USP36: variants seen among roughly 807,000 people sequenced by gnomAD.
USP36 encodes ubiquitin specific peptidase 36, also known as ubiquitin carboxyl-terminal hydrolase 36.
Under a neutral mutation model 111.5 loss-of-function variants are expected in USP36, and 59 were observed. The ratio of observed to expected loss-of-function variants is 0.53; its 90% confidence interval spans 0.43 to 0.66. USP36 has a LOEUF of 0.66. Ranked by LOEUF, USP36 falls within the 30% of genes least tolerant of loss-of-function variation. The probability of loss-of-function intolerance (pLI) is 0.00; values close to 1 mark genes in which losing one functional copy is unlikely to be tolerated. For missense variants in USP36, 1,488 were observed against 1,468.0 expected (o/e 1.01, Z -0.22); for synonymous variants, 628 against 581.0 (o/e 1.08, Z -1.16).
Position 78,837,788 on chromosome 17 carries a change from A to G in USP36, c.-10+799T>C, listed in dbSNP as rs114270897. Among the ~76,000 whole-genome samples, 505 of 152,358 alleles carry G rather than the reference A, an allele frequency of 3.3e-3. 2 individuals are homozygous for G. Among genetic ancestry groups the G allele is most frequent in the African/African-American group, 0.011 (464 of 41,582 alleles). On this transcript the variant is annotated intron_variant, in intron 2 of 20. Transcript: ENST00000449938. ...TACCCAGCCTGCCCTCAGAGAATCA[A>G]CAAGTCAAGTGTGCCCCAAAATTCT...
In USP36 at chr17:78,814,447, T is replaced by C. The variant is rs1406716532; in HGVS notation, c.1129A>G (p.Ser377Gly). 1.2e-6 allele frequency: 2 copies of C among 1,614,072 alleles called. No individual in the cohort carries two copies. Among genetic ancestry groups the C allele is most frequent in the African/African-American group, 1.3e-5 (1 of 74,922 alleles). ...CAGTAATAGTGCCCGGCATGGCAGC[T>C]GTAGCCCGAGTGCACCAGGACAGCA... ...LYAVLVHSGY[S>G]CHAGHYYCYV... Residue 377 changes from serine to glycine, a missense_variant, in exon 11 of 21, where the codon AGC (serine) becomes GGC (glycine). Physicochemically the swap from Ser to Gly is moderately conservative, Grantham distance 56 (BLOSUM62 0). Around this residue, in one of 3 missense-constraint regions of USP36, gnomAD observed 1,073 missense variants for 994.1 expected, o/e 1.08. Transcript: ENST00000449938.
chr17:78,833,575 ACATT>A (rs1211919747), intron 4 of USP36, among the ~76,000 whole-genome samples: 1 of 152,164 alleles, frequency 6.6e-6, no homozygotes, highest in East Asian at 1.9e-4. Flanking sequence ...TAGACCAGGG[ACATT>A]CTCAAAAACT....
chr17:78,790,218 T>C (rs889258665), intron 3 of USP36, among the ~76,000 whole-genome samples: 1 of 151,758 alleles, frequency 6.6e-6, no homozygotes. Context: ...CCTCCCTGAA[T>C]AGCTGGGATT....
rs748975875 is a variant in USP36, at chr17:78,813,020, A to C, written c.1266-19T>G. 1.2e-6 allele frequency: 2 copies of C among 1,613,624 alleles called. No homozygotes were observed. Among genetic ancestry groups the C allele is most frequent in the South Asian group, 1.1e-5 (1 of 91,074 alleles). Reference sequence around the variant, plus strand: ...TGGAATTCTGTCAAAGGAAGAAAACAAGTAGGGAATTCTCTTACTAGGCAT... The same window carrying C: ...TGGAATTCTGTCAAAGGAAGAAAACCAGTAGGGAATTCTCTTACTAGGCAT... On this transcript the variant is annotated intron_variant, in intron 12 of 20. Transcript: ENST00000449938.
At chr17:78,827,385 C>T in intron 5 of USP36, 38 bp from the exon 6 acceptor site, 1 of 1,578,010 alleles carries the variant, frequency 6.3e-7, no homozygotes, top group Non-Finnish European at 8.6e-7. Context: ...GAGCTCGTGT[C>T]TTCTCATCAA....
At chr17:78,826,507 T>C (rs978952718) in intron 6 of USP36, 1 of 152,522 alleles carries the variant, frequency 6.6e-6, no homozygotes, top group Non-Finnish European at 1.5e-5. Flanking sequence ...CTGAGGCCAG[T>C]AGTTTTGCCA....
chr17:78,800,791 T>A (rs1170048176), intron 17 of USP36, among the ~76,000 whole-genome samples: 1 of 152,164 alleles, frequency 6.6e-6, no homozygotes, highest in African/African-American at 2.4e-5. Context: ...ACTGTGTGGT[T>A]CTGGCTCTGC....
intron 17 of USP36, among the ~76,000 whole-genome samples, chr17:78,801,233 C>T (rs945739960): frequency 2.6e-5 from 4 of 152,164 alleles, no homozygotes; most frequent in African/African-American, 9.7e-5. Flanking sequence ...GCCTCGGCCT[C>T]CCAAAGTGTT....
Position 78,818,798 on chromosome 17 carries a change from A to G in USP36, c.912-20T>C, listed in dbSNP as rs760003598. Reference sequence around the variant, plus strand: ...TTGCATCTATGAAGAAGGTGATGAGAAAGATTAATGAATGATTGATTCGTG... The same window carrying G: ...TTGCATCTATGAAGAAGGTGATGAGGAAGATTAATGAATGATTGATTCGTG... On this transcript the variant is annotated intron_variant, in intron 9 of 20. Transcript: ENST00000449938. The G allele has an allele frequency of 1.3e-5, 21 of 1,612,304 alleles. No individual in the cohort carries two copies. Among genetic ancestry groups the G allele is most frequent in the Admixed American group, 3.3e-5 (2 of 59,964 alleles).
intron 15 of USP36, among the ~76,000 whole-genome samples, chr17:78,805,946 C>T (rs1424427589): frequency 4.6e-5 from 7 of 152,296 alleles, no homozygotes; most frequent in Admixed American, 1.3e-4. Context: ...CTGCAGAGGC[C>T]GAACTGCCTT....
intron 13 of USP36, among the ~76,000 whole-genome samples, chr17:78,812,659 T>C (rs1245865879): frequency 7.5e-6 from 1 of 132,926 alleles, no homozygotes; most frequent in East Asian, 2.2e-4. Context: ...ATCGCACCAC[T>C]GCACCCCAGC....
intron 14 of USP36, among the ~76,000 whole-genome samples, chr17:78,806,578 G>A (rs916002653): frequency 4.5e-4 from 69 of 152,226 alleles, no homozygotes; most frequent in African/African-American, 1.6e-3. Context: ...CTGCAGAGGT[G>A]CCGGGCACCC....
intron 17 of USP36, among the ~76,000 whole-genome samples, chr17:78,801,113 A>G (rs1405872343): frequency 2.0e-5 from 3 of 151,380 alleles, no homozygotes; most frequent in Non-Finnish European, 4.4e-5. Context: ...AGTAGCTGGG[A>G]CTAGAGGCGC....
chr17:78,815,843 ACACACATATG>A (rs2094169382), intron 10 of USP36, among the ~76,000 whole-genome samples: 1 of 135,726 alleles, frequency 7.4e-6, no homozygotes, highest in African/African-American at 3.8e-5. Flanking sequence ...ATACATACAC[ACACACATATG>A]CATGCATACA....
chr17:78,810,982 C>T (rs1007963857), intron 13 of USP36, among the ~76,000 whole-genome samples: 2 of 151,848 alleles, frequency 1.3e-5, no homozygotes, highest in Non-Finnish European at 2.9e-5. Context: ...GGAGTGCTGG[C>T]GGGCACCTGT....
intron 10 of USP36, among the ~76,000 whole-genome samples, chr17:78,816,744 T>G (rs760958309): frequency 3.3e-5 from 5 of 152,188 alleles, no homozygotes; most frequent in Non-Finnish European, 7.3e-5. Context: ...CCCTAAGTGC[T>G]GACATTAGAG....
rs373938196 is a variant in USP36, at chr17:78,797,425, G to T, written c.*475C>A. 4.5e-4 allele frequency: 68 copies of T among 152,518 alleles called. No individual in the cohort carries two copies. Among genetic ancestry groups the T allele is most frequent in the African/African-American group, 1.6e-3 (66 of 41,556 alleles). The allele number at this position is 152,518 out of a possible 1,614,324, so 9.4% of individuals were successfully genotyped here. ...AAGGGGTCCCGCTGAGGAAGCAGGGGAGGGCGGGCTCGGACACAACGGTGG... is the reference window on the plus strand; with the variant it reads ...AAGGGGTCCCGCTGAGGAAGCAGGGTAGGGCGGGCTCGGACACAACGGTGG... On this transcript the variant is annotated 3_prime_UTR_variant, in exon 21 of 21. Coordinates refer to ENST00000449938, the MANE Select transcript of USP36 (RefSeq NM_001385174.1).
rs2093639114 is a variant in USP36 at position 78,797,001 on chromosome 17, T to C, written c.*899A>G. ...TTAAATTCCAAAGCACTCACAAAAT[T>C]GAGCAAACAAAGCCACTATTTGCAT... is the stretch of plus-strand genomic sequence containing the variant. On this transcript the variant is annotated 3_prime_UTR_variant, in exon 21 of 21. Coordinates refer to ENST00000449938, the MANE Select transcript of USP36 (RefSeq NM_001385174.1). 6.6e-6 allele frequency: 1 copy of C among 152,136 alleles called. No individual in the cohort carries two copies. Among genetic ancestry groups the C allele is most frequent in the South Asian group, 2.1e-4 (1 of 4,832 alleles). 9.4% of individuals were successfully genotyped at this position (152,136 alleles called of 1,614,324 possible).
At chr17:78,823,559 G>A (rs1208473617) in intron 6 of USP36, among the ~76,000 whole-genome samples, 1 of 152,194 alleles carries the variant, frequency 6.6e-6, no homozygotes, top group Non-Finnish European at 1.5e-5. Flanking sequence ...AATGGAGGAG[G>A]GGGCAGGAGG....
Sources: gnomAD v4.1 joint callset for allele counts (sites outside exome capture counted in the v4.1 genomes callset) on GRCh38, gnomAD v4.1.1 for gene constraint, gnomAD v4.1.1 regional missense constraint, MANE v1.5 for transcripts, NCBI Gene and HGNC (gene_info 2026-07-23, HGNC 2026-07-21) for gene names.